LRCH1: variants seen among roughly 807,000 people sequenced by gnomAD.
The protein encoded by LRCH1 is leucine-rich repeat and calponin homology domain-containing protein 1.
A neutral mutation model predicts 94.9 loss-of-function variants in LRCH1; 23 were observed. The observed-to-expected ratio is 0.24, with a 90% CI of 0.17 to 0.34. The LOEUF (loss-of-function observed/expected upper bound fraction) is 0.34, where lower values mean the gene tolerates loss of function less well. LRCH1 is among the 10% of genes least tolerant of loss of function. The pLI is 1.00. For missense variants in LRCH1, 790 were observed against 945.9 expected (o/e 0.84, Z 2.16); for synonymous variants, 364 against 354.9 (o/e 1.03, Z -0.29).
rs373514093 is a variant in LRCH1 at position 46,601,845 on chromosome 13, C to T, written c.307+48142C>T. Among the ~76,000 whole-genome samples, 9 of 152,254 alleles carry T rather than the reference C, an allele frequency of 5.9e-5. No homozygotes were observed. The East Asian group carries it at 9.6e-4, about 16-fold the overall frequency. On this transcript the variant is annotated intron_variant, in intron 1 of 19. Coordinates refer to ENST00000389797, the MANE Select transcript of LRCH1 (RefSeq NM_001164211.2). ...GGCTGGGCTTGTATCATAGTACCCA[C>T]GCCGCTGCCTAACTCTTGATATCCA...
intron 6 of LRCH1, among the ~76,000 whole-genome samples, chr13:46,688,267 A>C (rs1342853771): frequency 6.6e-6 from 1 of 152,214 alleles, no homozygotes; most frequent in East Asian, 1.9e-4. Flanking sequence ...ATATGTGCAT[A>C]CTTATAAATA....
chr13:46,651,828 G>A lies in LRCH1; in HGVS notation c.452+1483G>A, dbSNP rs181473375. Among the ~76,000 whole-genome samples, 478 of 149,762 alleles carry A rather than the reference G, an allele frequency of 3.2e-3. 3 individuals carry two copies. Among genetic ancestry groups the A allele is most frequent in the African/African-American group, 9.5e-3 (386 of 40,842 alleles). On this transcript the variant is annotated intron_variant, in intron 2 of 19. Transcript: ENST00000389797. Reference sequence around the variant, plus strand: ...CCATTCTCCTGCCTCAGCCTCCCAAGTAGCTGGGACTACAGGCGCCGGCCA... The same window carrying A: ...CCATTCTCCTGCCTCAGCCTCCCAAATAGCTGGGACTACAGGCGCCGGCCA...
chr13:46,562,908 C>G (rs780029724), intron 1 of LRCH1, among the ~76,000 whole-genome samples: 1 of 152,212 alleles, frequency 6.6e-6, no homozygotes. Context: ...TATACACTTA[C>G]AAATGGATGA....
intron 3 of LRCH1, among the ~76,000 whole-genome samples, chr13:46,676,492 G>T (rs1213354494): frequency 1.3e-5 from 2 of 152,096 alleles, no homozygotes; most frequent in Non-Finnish European, 2.9e-5. Context: ...TTTACCTAAA[G>T]TTACACAGTG....
At chr13:46,698,395 C>T (rs1036483625) in intron 9 of LRCH1, among the ~76,000 whole-genome samples, 2 of 152,202 alleles carry the variant, frequency 1.3e-5, no homozygotes, top group East Asian at 1.9e-4. Flanking sequence ...GTGGAAGGCT[C>T]ATGGTGGTAC....
intron 1 of LRCH1, among the ~76,000 whole-genome samples, chr13:46,563,459 T>C (rs1387352027): frequency 6.6e-6 from 1 of 152,210 alleles, no homozygotes; most frequent in Admixed American, 6.5e-5. Context: ...TTTGGCCAGA[T>C]GACTTAAACC....
chr13:46,723,779 G>A (rs1209753180), intron 17 of LRCH1, among the ~76,000 whole-genome samples: 1 of 151,794 alleles, frequency 6.6e-6, no homozygotes, highest in Non-Finnish European at 1.5e-5. Context: ...CAGCCTGGGT[G>A]ACAACAGTGA....
chr13:46,712,707 C>G, intron 15 of LRCH1, 110 bp downstream of exon 15: 1 of 1,001,982 alleles, frequency 1.0e-6, no homozygotes, highest in African/African-American at 1.6e-5. Context: ...TCTGCTGAGC[C>G]GAAATCCTGG....
At chr13:46,624,260 C>T (rs1280594814) in intron 1 of LRCH1, among the ~76,000 whole-genome samples, 1 of 152,130 alleles carries the variant, frequency 6.6e-6, no homozygotes, top group Non-Finnish European at 1.5e-5. Flanking sequence ...CAAAATAGAA[C>T]ACTCCATTAT....
At chr13:46,687,000 C>G (rs1278246242) in intron 5 of LRCH1, among the ~76,000 whole-genome samples, 1 of 140,948 alleles carries the variant, frequency 7.1e-6, no homozygotes, top group Admixed American at 7.3e-5. Flanking sequence ...GCTCTGTCGC[C>G]CAGGCTGGAG....
chr13:46,588,334 CTG>C (rs2137956205), intron 1 of LRCH1, among the ~76,000 whole-genome samples: 1 of 152,202 alleles, frequency 6.6e-6, no homozygotes, highest in African/African-American at 2.4e-5. Flanking sequence ...ACCTATTAGC[CTG>C]ATTAGATGTC....
intron 1 of LRCH1, among the ~76,000 whole-genome samples, chr13:46,638,021 A>C (rs1439469377): frequency 2.2e-4 from 34 of 152,236 alleles, no homozygotes; most frequent in Admixed American, 2.2e-3. Context: ...TATTTTATCC[A>C]AAAGAGAACA....
chr13:46,576,276 C>A (rs1177697746), intron 1 of LRCH1, among the ~76,000 whole-genome samples: 1 of 152,182 alleles, frequency 6.6e-6, no homozygotes. Flanking sequence ...AATACTAATG[C>A]TCCCTTTAGG....
At chr13:46,572,102 G>C (rs557062181) in intron 1 of LRCH1, among the ~76,000 whole-genome samples, 24 of 152,310 alleles carry the variant, frequency 1.6e-4, no homozygotes, top group African/African-American at 5.5e-4. Context: ...CTGTCTTTCT[G>C]TTGTTCCCTT....
chr13:46,740,257 T>C (rs1258586227), intron 19 of LRCH1, among the ~76,000 whole-genome samples: 2 of 152,256 alleles, frequency 1.3e-5, no homozygotes, highest in Admixed American at 1.3e-4. Context: ...CTAACAGTGG[T>C]AGCTTGATTT....
chr13:46,633,923 C>T (rs1260430722), intron 1 of LRCH1, among the ~76,000 whole-genome samples: 3 of 149,676 alleles, frequency 2.0e-5, no homozygotes, highest in Non-Finnish European at 4.5e-5. Flanking sequence ...CTCTGTCGCC[C>T]GGCTGGAGTT....
intron 1 of LRCH1, among the ~76,000 whole-genome samples, chr13:46,598,570 T>C (rs2050590691): frequency 6.9e-6 from 1 of 144,728 alleles, no homozygotes; most frequent in African/African-American, 2.6e-5. Context: ...TCTGTAACTT[T>C]TGTAGTTTCA....
intron 1 of LRCH1, among the ~76,000 whole-genome samples, chr13:46,642,002 G>C (rs2051163733): frequency 6.6e-6 from 1 of 152,220 alleles, no homozygotes; most frequent in Non-Finnish European, 1.5e-5. Flanking sequence ...TTGCTGCCTA[G>C]GTATGTTTGC....
chr13:46,569,497 G>A (rs1032317970), intron 1 of LRCH1, among the ~76,000 whole-genome samples: 1 of 152,164 alleles, frequency 6.6e-6, no homozygotes, highest in African/African-American at 2.4e-5. Flanking sequence ...TAAGCACTTG[G>A]CTGGCTCCCC....
Sources: allele counts gnomAD v4.1 joint callset (sites outside exome capture counted in the v4.1 genomes callset), GRCh38; gene constraint gnomAD v4.1.1; transcripts MANE v1.5; gene names NCBI Gene and HGNC (gene_info 2026-07-23, HGNC 2026-07-21).